Variants in MICU1 observed in about 807,000 individuals in gnomAD.
MICU1 encodes calcium uptake protein 1, mitochondrial.
In MICU1, 45 loss-of-function variants were observed where a neutral mutation model predicts 56.8. That is an observed-to-expected ratio of 0.79 (90% CI 0.62 to 1.02). The LOEUF is 1.02. Among genes scored for constraint, MICU1 ranks in the 50% least tolerant of loss-of-function variants. MICU1 has a pLI of 0.00. For missense variants in MICU1, 504 were observed against 587.1 expected (o/e 0.86, Z 1.46); for synonymous variants, 186 against 195.1 (o/e 0.95, Z 0.39).
At chr10:72,567,773 T>C (rs1436307455) in intron 1 of MICU1, among the ~76,000 whole-genome samples, 1 of 152,078 alleles carries the variant, frequency 6.6e-6, no homozygotes, top group Non-Finnish European at 1.5e-5. Context: ...CTGCATGCTA[T>C]AGAAGCAAGC....
intron 3 of MICU1, among the ~76,000 whole-genome samples, chr10:72,557,348 G>C (rs1420272476): frequency 1.3e-5 from 2 of 152,140 alleles, no homozygotes; most frequent in East Asian, 3.9e-4. Flanking sequence ...CTCAGGAAAA[G>C]GGGAAAGCGC....
At position 72,572,501 on chromosome 10, in the gene MICU1, A is replaced by C. The variant is rs1840635966; in HGVS notation, c.-1-5707T>G. ...CCTGTTTAATAACTGTTCTCAGCAGAAAAAATATAACAGCCACACTCTAAA... is the reference window on the plus strand; with the variant it reads ...CCTGTTTAATAACTGTTCTCAGCAGCAAAAATATAACAGCCACACTCTAAA... On this transcript the variant is annotated intron_variant, in intron 1 of 11. Transcript: ENST00000361114. 3.3e-5 allele frequency among the ~76,000 whole-genome samples: 5 copies of C among 152,304 alleles called. No individual in the cohort carries two copies. In the South Asian group the frequency reaches 1.0e-3, roughly 32 times the overall value.
At chr10:72,516,216 G>A (rs771406434) in intron 5 of MICU1, among the ~76,000 whole-genome samples, 83 of 152,150 alleles carry the variant, frequency 5.5e-4, no homozygotes, top group Middle Eastern at 3.4e-3. Context: ...TCATATGTTT[G>A]TTGGCCACAG....
intron 8 of MICU1, among the ~76,000 whole-genome samples, chr10:72,474,011 C>G (rs1405988608): frequency 6.6e-6 from 1 of 151,840 alleles, no homozygotes; most frequent in Non-Finnish European, 1.5e-5. Context: ...AATCCCAGCA[C>G]TATGGGAGGC....
intron 4 of MICU1, among the ~76,000 whole-genome samples, chr10:72,538,919 T>C (rs1325757463): frequency 6.6e-6 from 1 of 151,630 alleles, no homozygotes; most frequent in Admixed American, 6.6e-5. Context: ...TATTTGGAAA[T>C]AGAAACCAAA....
At chr10:72,588,124 T>C (rs1156901814) in intron 1 of MICU1, among the ~76,000 whole-genome samples, 1 of 152,094 alleles carries the variant, frequency 6.6e-6, no homozygotes, top group Non-Finnish European at 1.5e-5. Flanking sequence ...TGAGTTCTCA[T>C]GAGATCTGGC....
In MICU1 at chr10:72,368,596, G is replaced by C. The variant is rs111748369; in HGVS notation, c.1271-241C>G. On this transcript the variant is annotated intron_variant, in intron 11 of 11. Transcript: ENST00000361114. ...GAAAATACAGTATATGCCAGGTCTT[G>C]TGCCAGGTGTTTAGAACAAGGAGAT... Among the ~76,000 whole-genome samples, 536 of 152,312 alleles carry C rather than the reference G, an allele frequency of 3.5e-3. 3 individuals are homozygous for C. The highest frequency in any genetic ancestry group is 0.012 in the African/African-American group (506 of 41,560).
rs185175859 is a variant in MICU1 at position 72,408,572 on chromosome 10, G to A, written c.1072-535C>T. 7.2e-5 allele frequency among the ~76,000 whole-genome samples: 11 copies of A among 152,268 alleles called. No homozygotes were observed. In the East Asian group the frequency reaches 1.5e-3, roughly 21 times the overall value. On this transcript the variant is annotated intron_variant, in intron 9 of 11. Transcript: ENST00000361114. ...GATTCACCTGCCTCAGCCTCCCAAC[G>A]TGCTGGGATTACAGGTCTGAGCCAC... is the stretch of plus-strand genomic sequence containing the variant.
intron 1 of MICU1, among the ~76,000 whole-genome samples, chr10:72,609,841 C>T (rs1841794397): frequency 6.6e-6 from 1 of 151,454 alleles, no homozygotes; most frequent in South Asian, 2.1e-4. Flanking sequence ...CAAGACCAGC[C>T]TGGCTAAGAT....
At chr10:72,616,928 T>C (rs1366843757) in intron 1 of MICU1, among the ~76,000 whole-genome samples, 3 of 152,224 alleles carry the variant, frequency 2.0e-5, no homozygotes, top group Non-Finnish European at 4.4e-5. Flanking sequence ...TCCCTGTCCC[T>C]GTTCTGCAGC....
intron 6 of MICU1, among the ~76,000 whole-genome samples, chr10:72,480,870 A>G (rs1354219361): frequency 6.6e-6 from 1 of 152,202 alleles, no homozygotes; most frequent in Non-Finnish European, 1.5e-5. Context: ...GGTTAATATC[A>G]CCTCCTACAA....
At chr10:72,598,308 T>A (rs778032035) in intron 1 of MICU1, among the ~76,000 whole-genome samples, 1 of 152,100 alleles carries the variant, frequency 6.6e-6, no homozygotes, top group East Asian at 1.9e-4. Context: ...CAGGTTGGAT[T>A]GCAGTGGCAT....
intron 5 of MICU1, chr10:72,533,168 A>C: frequency 7.8e-7 from 1 of 1,286,624 alleles, no homozygotes; most frequent in South Asian, 1.2e-5. Context: ...CTGGCCTGAA[A>C]GGAAAAAACA....
chr10:72,399,384 CAAA>C (rs1863374026), intron 10 of MICU1, among the ~76,000 whole-genome samples: 1 of 152,094 alleles, frequency 6.6e-6, no homozygotes, highest in African/African-American at 2.4e-5. Context: ...ATGGGTGCAG[CAAA>C]CCACCATGGC....
intron 1 of MICU1, among the ~76,000 whole-genome samples, chr10:72,599,085 T>G (rs1167436587): frequency 1.3e-5 from 2 of 152,194 alleles, no homozygotes; most frequent in African/African-American, 4.8e-5. Context: ...TTTATCCTCA[T>G]CTTTATCCCC....
chr10:72,500,277 TATATATATATATATATATATATATA>T (rs1564904513), intron 6 of MICU1, among the ~76,000 whole-genome samples: 14 of 8,978 alleles, frequency 1.6e-3, no homozygotes, highest in South Asian at 3.1e-3. Flanking sequence ...TATATATATA[TATATATATATATATATATATATATA>T]TTTTTTTTTT....
At chr10:72,412,606 T>G (rs1463581601) in intron 9 of MICU1, among the ~76,000 whole-genome samples, 1 of 152,032 alleles carries the variant, frequency 6.6e-6, no homozygotes, top group Non-Finnish European at 1.5e-5. Flanking sequence ...ATCCCAGCAC[T>G]TTGGGAGGTC....
chr10:72,596,628 T>C (rs1340023750), intron 1 of MICU1, among the ~76,000 whole-genome samples: 1 of 151,954 alleles, frequency 6.6e-6, no homozygotes, highest in Non-Finnish European at 1.5e-5. Flanking sequence ...CCCCAGCACT[T>C]TGGGAGGCCG....
At chr10:72,446,157 C>G (rs1298110094) in intron 8 of MICU1, among the ~76,000 whole-genome samples, 1 of 151,726 alleles carries the variant, frequency 6.6e-6, no homozygotes, top group Non-Finnish European at 1.5e-5. Flanking sequence ...CTTGATGGCT[C>G]GGAGGACAAT....
Sources: gnomAD v4.1 joint callset for allele counts (sites outside exome capture counted in the v4.1 genomes callset) on GRCh38, gnomAD v4.1.1 for gene constraint, MANE v1.5 for transcripts, NCBI Gene and HGNC (gene_info 2026-07-23, HGNC 2026-07-21) for gene names.